The following CDH13 variants were observed in gnomAD, a reference collection of about 807,000 sequenced individuals.
CDH13 encodes cadherin 13.
A neutral mutation model predicts 63.8 loss-of-function variants in CDH13; 24 were observed. The observed-to-expected ratio is 0.38, with a 90% CI of 0.27 to 0.53. CDH13 has a LOEUF of 0.53. CDH13 is among the 20% of genes least tolerant of loss of function. CDH13 has a pLI of 0.85. For synonymous variants in CDH13, 503 were observed against 355.3 expected (o/e 1.42, Z -4.67); for missense variants, 1,049 against 903.1 (o/e 1.16, Z -2.07).
At chr16:82,877,069 C>G (rs1791443391) in intron 2 of CDH13, among the ~76,000 whole-genome samples, 1 of 152,184 alleles carries the variant, frequency 6.6e-6, no homozygotes, top group Non-Finnish European at 1.5e-5. Flanking sequence ...AGGGCAAATA[C>G]TACCTTAACA....
chr16:83,711,509 TTTTTTTG>T (rs1044583903), intron 10 of CDH13, among the ~76,000 whole-genome samples: 4 of 152,050 alleles, frequency 2.6e-5, no homozygotes, highest in Admixed American at 6.6e-5. Flanking sequence ...TATTTTTTGG[TTTTTTTG>T]TTTTTTGTTT....
chr16:82,900,611 G>A (rs1471174199), intron 2 of CDH13, among the ~76,000 whole-genome samples: 1 of 152,180 alleles, frequency 6.6e-6, no homozygotes, highest in East Asian at 1.9e-4. Flanking sequence ...GAAGTAACCA[G>A]CAGAGAGGAA....
intron 1 of CDH13, among the ~76,000 whole-genome samples, chr16:82,629,630 T>C (rs1041702092): frequency 6.6e-6 from 1 of 152,194 alleles, no homozygotes; most frequent in Non-Finnish European, 1.5e-5. Flanking sequence ...TCCACCACAG[T>C]TGTAAAGCAT....
chr16:83,663,913 A>G (rs12446784), intron 8 of CDH13, among the ~76,000 whole-genome samples: 15,356 of 152,046 alleles, frequency 0.1, 883 homozygotes, highest in East Asian at 0.23. Context: ...TAATGCCAGC[A>G]ACTTGGGAGG....
intron 13 of CDH13, among the ~76,000 whole-genome samples, chr16:83,791,811 CAAAA>C (rs10548547): frequency 0.022 from 2,088 of 94,912 alleles, 44 homozygotes; most frequent in African/African-American, 0.073. Flanking sequence ...ACTTTGTCTC[CAAAA>C]AAAAAAAAAA....
At chr16:83,737,421 G>T (rs972879217) in intron 10 of CDH13, among the ~76,000 whole-genome samples, 2 of 152,132 alleles carry the variant, frequency 1.3e-5, no homozygotes, top group Non-Finnish European at 2.9e-5. Context: ...CACATGTGCT[G>T]TGTGATTTTA....
At chr16:83,756,558 CT>C (rs918928845) in intron 11 of CDH13, among the ~76,000 whole-genome samples, 1 of 152,072 alleles carries the variant, frequency 6.6e-6, no homozygotes, top group Admixed American at 6.6e-5. Flanking sequence ...TTTTTTGGCG[CT>C]TTTTTTATAG....
rs1360699533 is a variant in CDH13, at chr16:83,217,419, A to T, written c.558A>T (p.Gly186=). 1.9e-6 allele frequency: 3 copies of T among 1,613,944 alleles called. No homozygotes were observed. Among genetic ancestry groups the T allele is most frequent in the Non-Finnish European group, 2.5e-6 (3 of 1,179,860 alleles). ...TGKGVDQEPK[G]IFRINENTGS... ...AGGGAGTGGATCAAGAGCCTAAAGG[A>T]ATTTTCAGAATCAATGAGAACACAG... Residue 186 remains glycine (G), a synonymous_variant, in exon 5 of 14, where the codon GGA becomes GGT. Coordinates refer to ENST00000567109, the MANE Select transcript of CDH13 (RefSeq NM_001257.5).
chr16:83,740,419 C>G (rs1277279407), intron 10 of CDH13, among the ~76,000 whole-genome samples: 1 of 152,042 alleles, frequency 6.6e-6, no homozygotes, highest in Non-Finnish European at 1.5e-5. Context: ...CGTCTTACCA[C>G]CTGCCTCCTA....
At chr16:83,385,611 G>A (rs1478325216) in intron 6 of CDH13, among the ~76,000 whole-genome samples, 1 of 152,180 alleles carries the variant, frequency 6.6e-6, no homozygotes, top group Non-Finnish European at 1.5e-5. Flanking sequence ...GGTCACCTAT[G>A]GCATGGGAAA....
chr16:83,232,771 T>TA (rs1380768557), intron 5 of CDH13, among the ~76,000 whole-genome samples: 2 of 133,160 alleles, frequency 1.5e-5, no homozygotes, highest in Admixed American at 1.5e-4. Context: ...CACTCTCGGG[T>TA]ATTTTTTTAT....
Position 83,294,040 on chromosome 16 carries a change from A to T in CDH13, c.637-50822A>T, listed in dbSNP as rs374694021. Among the ~76,000 whole-genome samples, 14 of 152,232 alleles carry T rather than the reference A, an allele frequency of 9.2e-5. No homozygotes were observed. The East Asian group carries it at 1.7e-3, about 19-fold the overall frequency. On this transcript the variant is annotated intron_variant, in intron 5 of 13. Transcript: ENST00000567109. ...GTGTAGCTAGGACATAGCATCAAGGATTCCAAGCCAAGGATTATCTGACTT... is the reference window on the plus strand; with the variant it reads ...GTGTAGCTAGGACATAGCATCAAGGTTTCCAAGCCAAGGATTATCTGACTT...
At chr16:82,872,621 C>T (rs2040379722) in intron 2 of CDH13, among the ~76,000 whole-genome samples, 1 of 152,176 alleles carries the variant, frequency 6.6e-6, no homozygotes, top group Admixed American at 6.5e-5. Flanking sequence ...GAGGTGCCCT[C>T]TATTTGTTCT....
intron 5 of CDH13, among the ~76,000 whole-genome samples, chr16:83,298,501 G>A (rs768692160): frequency 6.6e-5 from 10 of 152,108 alleles, no homozygotes; most frequent in Admixed American, 1.3e-4. Flanking sequence ...AGAGAGAAAG[G>A]GAACTTTAAG....
At chr16:82,733,676 G>A (rs2033520156) in intron 1 of CDH13, among the ~76,000 whole-genome samples, 1 of 152,156 alleles carries the variant, frequency 6.6e-6, no homozygotes, top group African/African-American at 2.4e-5. Context: ...GACTGAGCTG[G>A]GGTTTAAATC....
At chr16:82,917,924 A>AG (rs1321745461) in intron 2 of CDH13, among the ~76,000 whole-genome samples, 1 of 147,342 alleles carries the variant, frequency 6.8e-6, no homozygotes, top group East Asian at 1.9e-4. Context: ...CAAAAAAAAA[A>AG]AAAAAAAAGG....
At chr16:83,435,451 C>G (rs576755467) in intron 6 of CDH13, among the ~76,000 whole-genome samples, 2 of 152,164 alleles carry the variant, frequency 1.3e-5, no homozygotes, top group African/African-American at 4.8e-5. Context: ...TGCCCCAAAG[C>G]AACATCTAAC....
At chr16:82,746,249 TTA>T (rs1226739240) in intron 1 of CDH13, among the ~76,000 whole-genome samples, 10 of 84,582 alleles carry the variant, frequency 1.2e-4, no homozygotes, top group East Asian at 3.1e-4. Context: ...AACACACTGT[TTA>T]TATATATGTG....
At chr16:83,761,337 T>A (rs116536413) in intron 11 of CDH13, among the ~76,000 whole-genome samples, 2,370 of 152,368 alleles carry the variant, frequency 0.016, 59 homozygotes, top group African/African-American at 0.05. Flanking sequence ...ACCAACAGAA[T>A]ATTCAAGGTA....
Sources: allele counts gnomAD v4.1 joint callset (sites outside exome capture counted in the v4.1 genomes callset), GRCh38; gene constraint gnomAD v4.1.1; transcripts MANE v1.5; gene names NCBI Gene and HGNC (gene_info 2026-07-23, HGNC 2026-07-21).